Variants in KIF17 observed in about 807,000 individuals in gnomAD.
KIF17 encodes kinesin-like protein KIF17.
In KIF17, 80 loss-of-function variants were observed where a neutral mutation model predicts 96.8. The ratio of observed to expected loss-of-function variants is 0.83; its 90% confidence interval spans 0.69 to 1.00. The LOEUF (loss-of-function observed/expected upper bound fraction) is 1.00. Among genes scored for constraint, KIF17 ranks in the 50% least tolerant of loss-of-function variants. The probability of loss-of-function intolerance (pLI) is 0.00; values close to 1 mark genes in which losing one functional copy is unlikely to be tolerated. For synonymous variants in KIF17, 567 were observed against 587.5 expected, an observed-to-expected ratio of 0.97 and a Z score of 0.51; for missense variants, 1,280 against 1,372.9, an observed-to-expected ratio of 0.93 and a Z score of 1.07.
intron 3 of KIF17, among the ~76,000 whole-genome samples, chr1:20,712,845 TAGA>T (rs1557607021): frequency 6.3e-5 from 1 of 15,824 alleles, no homozygotes; most frequent in African/African-American, 1.7e-4. Flanking sequence ...ATTATAGATA[TAGA>T]TAATATTATC....
At chr1:20,701,311 G>A (rs960296016) in intron 5 of KIF17, among the ~76,000 whole-genome samples, 7 of 152,092 alleles carry the variant, frequency 4.6e-5, no homozygotes, top group African/African-American at 7.2e-5. Context: ...CGTGCCTGTA[G>A]TCCCAGCTAC....
At position 20,690,352 on chromosome 1, in the gene KIF17, G is replaced by GTGCCC; in HGVS notation, c.1234-18_1234-17insGGGCA. On this transcript the variant is annotated splice_polypyrimidine_tract_variant and intron_variant, in intron 6 of 14. Transcript: ENST00000400463. Reference sequence around the variant, plus strand: ...TTCATACTCCTGGGGGGGTGGGAGGGACCAGAGGGCAGGCAGCATTTTATC... The same window carrying GTGCCC: ...TTCATACTCCTGGGGGGGTGGGAGGGTGCCCACCAGAGGGCAGGCAGCATTTTATC... The GTGCCC allele has an allele frequency of 4.4e-6, 2 of 451,172 alleles. No individual in the cohort carries two copies. Among genetic ancestry groups the GTGCCC allele is most frequent in the South Asian group, 1.7e-5 (1 of 57,280 alleles). The allele number at this position is 451,172 out of a possible 1,614,324, so 27.9% of individuals were successfully genotyped here.
At chr1:20,667,802 G>A (rs1356817268) in intron 13 of KIF17, among the ~76,000 whole-genome samples, 1 of 152,062 alleles carries the variant, frequency 6.6e-6, no homozygotes, top group East Asian at 1.9e-4. Context: ...GAGGCCAGGA[G>A]TTCAAGACCA....
At chr1:20,669,412 C>T (rs1169143504) in intron 13 of KIF17, among the ~76,000 whole-genome samples, 1 of 151,620 alleles carries the variant, frequency 6.6e-6, no homozygotes, top group Non-Finnish European at 1.5e-5. Flanking sequence ...TGGCGGGTGC[C>T]TGTAGTCCCA....
chr1:20,713,346 T>C (rs2154537882), intron 3 of KIF17, 108 bp downstream of exon 3: 1 of 718,002 alleles, frequency 1.4e-6, no homozygotes. Context: ...GACTCTAGCC[T>C]CCCAGTGCCG....
At chr1:20,663,500 G>C (rs562299258), downstream of KIF17, among the ~76,000 whole-genome samples, 5 of 152,320 alleles carry the variant, frequency 3.3e-5, no homozygotes, top group Admixed American at 3.3e-4. Context: ...AACCCTGTGA[G>C]GTGGGCGTTA....
At chr1:20,674,769 T>G (rs530205625) in intron 11 of KIF17, among the ~76,000 whole-genome samples, 2 of 152,178 alleles carry the variant, frequency 1.3e-5, no homozygotes, top group Non-Finnish European at 2.9e-5. Context: ...ACATTATTCA[T>G]TGGCATGTGA....
chr1:20,683,003 C>T, intron 10 of KIF17, 119 bp from the exon 11 acceptor site: 1 of 830,538 alleles, frequency 1.2e-6, no homozygotes. Flanking sequence ...CCCCACTTCA[C>T]AGGGAGGGAA....
chr1:20,669,993 GAAA>G (rs67188527), intron 13 of KIF17, among the ~76,000 whole-genome samples: 21 of 122,546 alleles, frequency 1.7e-4, no homozygotes, highest in African/African-American at 6.5e-4. Flanking sequence ...CTTAGAAAAA[GAAA>G]AAAAAAAAAA....
intron 3 of KIF17, among the ~76,000 whole-genome samples, chr1:20,712,560 T>TA (rs1553152897): frequency 1.1e-4 from 7 of 64,022 alleles, no homozygotes; most frequent in Admixed American, 3.9e-4. Flanking sequence ...ATTATCTATA[T>TA]TATATATATA....
At chr1:20,684,688 C>T (rs2053901674) in intron 10 of KIF17, 121 bp downstream of exon 10, 8 of 1,012,500 alleles carry the variant, frequency 7.9e-6, no homozygotes, top group Non-Finnish European at 7.3e-6. Context: ...GGATCAGGGC[C>T]GCCCTGCCAA....
intron 2 of KIF17, among the ~76,000 whole-genome samples, chr1:20,715,013 C>T (rs1017992298): frequency 6.6e-6 from 1 of 152,218 alleles, no homozygotes; most frequent in African/African-American, 2.4e-5. Flanking sequence ...TAATTCTCAC[C>T]TGCAGCCTGG....
At chr1:20,703,158 A>AGAT (rs2054267668) in intron 5 of KIF17, among the ~76,000 whole-genome samples, 1 of 132,870 alleles carries the variant, frequency 7.5e-6, no homozygotes, top group Non-Finnish European at 1.6e-5. Flanking sequence ...GATAGAAGGA[A>AGAT]GGATGGAGAT....
chr1:20,705,027 A>G, intron 4 of KIF17, 128 bp from the exon 5 acceptor site: 2 of 794,018 alleles, frequency 2.5e-6, no homozygotes, highest in Non-Finnish European at 4.3e-6. Context: ...CAGGAGCCCC[A>G]GGAAGCAGGT....
At chr1:20,705,785 T>C (rs896420456) in intron 4 of KIF17, among the ~76,000 whole-genome samples, 11 of 152,120 alleles carry the variant, frequency 7.2e-5, no homozygotes, top group African/African-American at 2.7e-4. Context: ...TCAGATGTGA[T>C]TCTGCAGGTG....
intron 11 of KIF17, among the ~76,000 whole-genome samples, chr1:20,676,757 G>A (rs1277298385): frequency 1.3e-5 from 2 of 152,066 alleles, no homozygotes; most frequent in Non-Finnish European, 2.9e-5. Context: ...CTTGAACCTG[G>A]GGGGCGAAGG....
chr1:20,673,197 G>A (rs1479640816), intron 11 of KIF17, among the ~76,000 whole-genome samples: 1 of 152,104 alleles, frequency 6.6e-6, no homozygotes, highest in Non-Finnish European at 1.5e-5. Flanking sequence ...CTGGGCGACA[G>A]AGTGAGACTC....
intron 6 of KIF17, among the ~76,000 whole-genome samples, chr1:20,692,340 G>C (rs2054053494): frequency 1.4e-5 from 2 of 139,266 alleles, no homozygotes; most frequent in East Asian, 3.9e-4. Flanking sequence ...TTCCTCTATT[G>C]CTTTTTTTTT....
rs1351406095 is a variant in KIF17 at position 20,717,394 on chromosome 1, G to A, written c.231+82C>T. ...CCCTCGAGGGCCTTTCCTCCTGGCT[G>A]GGGGGCAGCGCAGCCCCCTGGGGAC... On this transcript the variant is annotated intron_variant, in intron 1 of 14. Coordinates refer to ENST00000400463, the MANE Select transcript of KIF17 (RefSeq NM_001122819.3). 3 of 1,494,878 alleles carry A rather than the reference G, an allele frequency of 2.0e-6. No homozygotes were observed. In the African/African-American group the frequency reaches 4.2e-5, roughly 21 times the overall value. 92.6% of individuals were successfully genotyped at this position (1,494,878 alleles called of 1,614,324 possible).
Sources: allele counts gnomAD v4.1 joint callset (sites outside exome capture counted in the v4.1 genomes callset), GRCh38; gene constraint gnomAD v4.1.1; transcripts MANE v1.5; gene names NCBI Gene and HGNC (gene_info 2026-07-23, HGNC 2026-07-21).